Variants in CCDC30 observed in about 807,000 individuals in gnomAD.
CCDC30 encodes the protein coiled-coil domain-containing protein 30.
In CCDC30, 70 loss-of-function variants were observed where a neutral mutation model predicts 100.2. That is an observed-to-expected ratio of 0.70 (90% CI 0.58 to 0.85). The LOEUF is 0.85. Ranked by LOEUF, CCDC30 falls within the 40% of genes least tolerant of loss-of-function variation. The pLI is 0.00. For missense variants in CCDC30, 652 were observed against 771.2 expected (o/e 0.85, Z 1.83); for synonymous variants, 233 against 269.5 (o/e 0.86, Z 1.33).
chr1:42,456,169 A>C, the CCDC30 span: 1 of 642,072 alleles, frequency 1.6e-6, no homozygotes, highest in East Asian at 2.8e-5. Flanking sequence ...GAAAAGGGGA[A>C]GAAAGAAAGA....
chr1:42,546,413 T>A (rs1337858320), intron 6 of CCDC30, among the ~76,000 whole-genome samples: 18 of 3,024 alleles, frequency 6.0e-3, no homozygotes, highest in Admixed American at 0.022. Flanking sequence ...TATATATATA[T>A]ATATATATAT....
At chr1:42,466,578 G>A (rs1643591212) in intron 1 of CCDC30, among the ~76,000 whole-genome samples, 1 of 150,904 alleles carries the variant, frequency 6.6e-6, no homozygotes, top group South Asian at 2.1e-4. Flanking sequence ...TTGAGATGGA[G>A]CCTTGCTCTG....
At chr1:42,570,540 G>T (rs1645711794) in intron 7 of CCDC30, among the ~76,000 whole-genome samples, 1 of 152,002 alleles carries the variant, frequency 6.6e-6, no homozygotes, top group South Asian at 2.1e-4. Flanking sequence ...CACACTAGTG[G>T]CCCCTGCACA....
intron 9 of CCDC30, among the ~76,000 whole-genome samples, chr1:42,582,183 T>C (rs1023981282): frequency 2.0e-5 from 3 of 152,048 alleles, no homozygotes; most frequent in Non-Finnish European, 2.9e-5. Context: ...TAAGCCATGA[T>C]TGAAACACTG....
At chr1:42,524,119 G>C (rs1335366395) in intron 6 of CCDC30, among the ~76,000 whole-genome samples, 4 of 148,812 alleles carry the variant, frequency 2.7e-5, no homozygotes, top group Non-Finnish European at 4.5e-5. Flanking sequence ...TTTTTTTTAA[G>C]TTTTAAATGG....
At chr1:42,457,087 G>C in the CCDC30 span, 2 of 1,584,330 alleles carry the variant, frequency 1.3e-6, no homozygotes, top group Non-Finnish European at 1.7e-6. Flanking sequence ...CGTGCCCTAG[G>C]AGTACCCCTT....
At chr1:42,643,173 A>G (rs964013363) in intron 13 of CCDC30, among the ~76,000 whole-genome samples, 7 of 152,228 alleles carry the variant, frequency 4.6e-5, no homozygotes, top group Admixed American at 3.3e-4. Flanking sequence ...AGCAATTACT[A>G]TATGCTAGGC....
intron 12 of CCDC30, among the ~76,000 whole-genome samples, chr1:42,642,119 G>C (rs1647485902): frequency 1.3e-5 from 2 of 151,884 alleles, no homozygotes; most frequent in South Asian, 4.2e-4. Context: ...CCAGCTACTT[G>C]GGAGGCTGAG....
chr1:42,549,715 C>T (rs1229106768), intron 6 of CCDC30, among the ~76,000 whole-genome samples: 1 of 152,132 alleles, frequency 6.6e-6, no homozygotes, highest in Non-Finnish European at 1.5e-5. Context: ...AAATTTCCCC[C>T]TACTCCTACT....
intron 11 of CCDC30, among the ~76,000 whole-genome samples, chr1:42,617,970 C>T (rs942195724): frequency 5.9e-5 from 9 of 152,126 alleles, no homozygotes; most frequent in Non-Finnish European, 1.0e-4. Context: ...GTTAGTTGGG[C>T]CTACACCTAG....
At chr1:42,475,087 A>G (rs1407267704) in intron 1 of CCDC30, among the ~76,000 whole-genome samples, 2 of 152,128 alleles carry the variant, frequency 1.3e-5, no homozygotes, top group East Asian at 1.9e-4. Context: ...TGGTATGTTG[A>G]TAGAAAAAAA....
chr1:42,601,378 C>G (rs1266052451), intron 10 of CCDC30, among the ~76,000 whole-genome samples: 1 of 152,184 alleles, frequency 6.6e-6, no homozygotes, highest in Non-Finnish European at 1.5e-5. Context: ...TTGGGACTAA[C>G]AACCCCAGCC....
At chr1:42,599,286 A>C (rs1646354795) in intron 10 of CCDC30, among the ~76,000 whole-genome samples, 1 of 152,154 alleles carries the variant, frequency 6.6e-6, no homozygotes, top group African/African-American at 2.4e-5. Flanking sequence ...AAGAATTAGG[A>C]TTATCTTCTT....
At chr1:42,521,614 C>G (rs1358752933) in intron 6 of CCDC30, among the ~76,000 whole-genome samples, 2 of 152,032 alleles carry the variant, frequency 1.3e-5, no homozygotes, top group South Asian at 4.1e-4. Flanking sequence ...TCCTTACCTA[C>G]TTTTGGTCTG....
intron 11 of CCDC30, among the ~76,000 whole-genome samples, chr1:42,612,017 A>T (rs528557390): frequency 7.2e-5 from 11 of 152,258 alleles, no homozygotes; most frequent in Admixed American, 1.3e-4. Context: ...TTTGAATGAA[A>T]CAAAACTTAT....
chr1:42,579,191 C>T (rs1267766917), intron 8 of CCDC30, among the ~76,000 whole-genome samples: 1 of 151,970 alleles, frequency 6.6e-6, no homozygotes, highest in African/African-American at 2.4e-5. Flanking sequence ...GGGGTTTCAC[C>T]ATGTTGGCCG....
chr1:42,492,734 A>C (rs895633912), intron 4 of CCDC30, among the ~76,000 whole-genome samples: 2 of 151,914 alleles, frequency 1.3e-5, no homozygotes, highest in Non-Finnish European at 2.9e-5. Flanking sequence ...TGCAACCTCT[A>C]CCTCCTAGGT....
At chr1:42,560,876 G>A (rs531115607) in intron 6 of CCDC30, among the ~76,000 whole-genome samples, 1 of 152,214 alleles carries the variant, frequency 6.6e-6, no homozygotes, top group South Asian at 2.1e-4. Context: ...TAAATTCCTG[G>A]TTGCATACAC....
chr1:42,498,424 G>A (rs1644260732), intron 5 of CCDC30, among the ~76,000 whole-genome samples: 1 of 152,114 alleles, frequency 6.6e-6, no homozygotes, highest in Non-Finnish European at 1.5e-5. Context: ...TAATGCCACT[G>A]AACTGTACAC....
Sources: gnomAD v4.1 joint callset for allele counts (sites outside exome capture counted in the v4.1 genomes callset) on GRCh38, gnomAD v4.1.1 for gene constraint, MANE v1.5 for transcripts, NCBI Gene and HGNC (gene_info 2026-07-23, HGNC 2026-07-21) for gene names.